The following RCOR2 variants were observed in gnomAD, a reference collection of about 807,000 sequenced individuals.
RCOR2 encodes the protein REST corepressor 2.
A neutral mutation model predicts 58.9 loss-of-function variants in RCOR2; 19 were observed. The observed-to-expected ratio is 0.32, with a 90% CI of 0.23 to 0.47. The LOEUF is 0.47. RCOR2 is among the 20% of genes least tolerant of loss of function. RCOR2 has a pLI of 1.00. For synonymous variants in RCOR2, 286 were observed against 278.7 expected (o/e 1.03, Z -0.26); for missense variants, 590 against 707.9 (o/e 0.83, Z 1.89).
chr11:63,927,296 G>C, the RCOR2 span, among the ~76,000 whole-genome samples: 1 of 148,352 alleles, frequency 6.7e-6, no homozygotes, highest in South Asian at 2.1e-4. Context: ...TTTGAGGCAG[G>C]GTCTCATTGA....
At chr11:63,912,769 A>C (rs772272567) in intron 9 of RCOR2, 36 bp from the exon 10 acceptor site, 29 of 1,612,466 alleles carry the variant, frequency 1.8e-5, no homozygotes, top group Non-Finnish European at 2.4e-5. Flanking sequence ...TTTAGACTCA[A>C]AACCATGCAA....
At chr11:63,926,460 T>C in the RCOR2 span, among the ~76,000 whole-genome samples, 12 of 150,932 alleles carry the variant, frequency 8.0e-5, 1 homozygote, top group East Asian at 2.2e-3. Context: ...AGCTCCTCCT[T>C]TCCTTGCTGT....
At position 63,916,587 on chromosome 11, in the gene RCOR2, A is replaced by G; in HGVS notation, c.-131T>C. 1 of 1,414,306 alleles carries G rather than the reference A, an allele frequency of 7.1e-7. No individual in the cohort carries two copies. 87.6% of individuals were successfully genotyped at this position (1,414,306 alleles called of 1,614,324 possible). On this transcript the variant is annotated 5_prime_UTR_variant, in exon 1 of 12. Coordinates refer to ENST00000301459, the MANE Select transcript of RCOR2 (RefSeq NM_173587.4). ...CTGAGGTTAGGAGAGGCAGGAGGTC[A>G]GCGTGGCTAGGGTCCGGCGGGGTGG...
chr11:63,925,266 C>T, the RCOR2 span, among the ~76,000 whole-genome samples: 1 of 152,190 alleles, frequency 6.6e-6, no homozygotes, highest in Non-Finnish European at 1.5e-5. Context: ...AATCTGGTCC[C>T]CTGACATCCA....
At position 63,914,557 on chromosome 11, in the gene RCOR2, C is replaced by T; in HGVS notation, c.481-16G>A. 1 of 1,613,322 alleles carries T rather than the reference C, an allele frequency of 6.2e-7. No individual in the cohort carries two copies. Among genetic ancestry groups the T allele is most frequent in the Non-Finnish European group, 8.5e-7 (1 of 1,179,904 alleles). Reference sequence around the variant, plus strand: ...TGTCAGGCAGCTGGAGGAGGCAACGCCAGAAGCTGGGGACCACTCAAGACT... The same window carrying T: ...TGTCAGGCAGCTGGAGGAGGCAACGTCAGAAGCTGGGGACCACTCAAGACT... On this transcript the variant is annotated splice_polypyrimidine_tract_variant and intron_variant, in intron 5 of 11. Coordinates refer to ENST00000301459, the MANE Select transcript of RCOR2 (RefSeq NM_173587.4).
intron 1 of RCOR2, among the ~76,000 whole-genome samples, chr11:63,915,824 T>C (rs942676747): frequency 6.6e-6 from 1 of 152,156 alleles, no homozygotes. Flanking sequence ...GCCATGGCCA[T>C]TGGGGCTGGA....
Position 63,911,622 on chromosome 11 carries a change from G to C in RCOR2, c.*243C>G, listed in dbSNP as rs536894862. ...GACACAGCCATTCCAGTACCGGCCAGGAAGCGAAAGTGCCCTCAGGCCAGC... is the reference window on the plus strand; with the variant it reads ...GACACAGCCATTCCAGTACCGGCCACGAAGCGAAAGTGCCCTCAGGCCAGC... On this transcript the variant is annotated 3_prime_UTR_variant, in exon 12 of 12. Transcript: ENST00000301459. 9 of 484,480 alleles carry C rather than the reference G, an allele frequency of 1.9e-5. No individual in the cohort carries two copies. In the East Asian group the frequency reaches 3.8e-4, roughly 20 times the overall value. 30.0% of individuals were successfully genotyped at this position (484,480 alleles called of 1,614,324 possible).
At chr11:63,920,877 A>C (rs377064500), upstream of RCOR2, among the ~76,000 whole-genome samples, 1 of 148,502 alleles carries the variant, frequency 6.7e-6, no homozygotes, top group Non-Finnish European at 1.5e-5. Context: ...CCTAGCCGGC[A>C]CTCCTTCCCC....
chr11:63,917,291 G>C (rs2134249900), upstream of RCOR2, among the ~76,000 whole-genome samples: 1 of 151,974 alleles, frequency 6.6e-6, no homozygotes. Context: ...CCAGGGGGCC[G>C]GGGCCAGACC....
chr11:63,922,378 A>G, the RCOR2 span, among the ~76,000 whole-genome samples: 1 of 151,920 alleles, frequency 6.6e-6, no homozygotes, highest in Non-Finnish European at 1.5e-5. Context: ...TTCTAGACCA[A>G]CTCTTGCTCT....
chr11:63,912,817 C>T (rs149885345), intron 9 of RCOR2, 53 bp downstream of exon 9: 1 of 1,606,646 alleles, frequency 6.2e-7, no homozygotes, highest in African/African-American at 1.3e-5. Flanking sequence ...TCTTTCTGCT[C>T]TGCCTCCAGA....
intron 8 of RCOR2, 134 bp from the exon 9 acceptor site, chr11:63,913,081 C>T: frequency 1.4e-6 from 1 of 702,342 alleles, no homozygotes; most frequent in South Asian, 1.9e-5. Context: ...CACCATCTGG[C>T]TTGTTCCTCC....
chr11:63,927,390 C>T, the RCOR2 span, among the ~76,000 whole-genome samples: 1 of 152,262 alleles, frequency 6.6e-6, no homozygotes, highest in South Asian at 2.1e-4. Flanking sequence ...TCACCTCAGC[C>T]TCCTGGGTAG....
upstream of RCOR2, among the ~76,000 whole-genome samples, chr11:63,920,581 G>C (rs532652142): frequency 6.6e-6 from 1 of 152,208 alleles, no homozygotes; most frequent in South Asian, 2.1e-4. Context: ...GGGTTGGGGA[G>C]GGAGTGTGGT....
chr11:63,918,371 C>T (rs1463507755), upstream of RCOR2, among the ~76,000 whole-genome samples: 13 of 152,300 alleles, frequency 8.5e-5, no homozygotes, highest in Non-Finnish European at 1.9e-4. Context: ...CCGCTTGTTC[C>T]CGGGGACTCC....
At position 63,911,324 on chromosome 11, in the gene RCOR2, G is replaced by T. The variant is rs1941745684; in HGVS notation, c.*541C>A. ...CCCCATTTCTCCAAGTTTCTGGAAG[G>T]TGGGCTTGGTGGGCACCCTCAGCTC... is the stretch of plus-strand genomic sequence containing the variant. On this transcript the variant is annotated 3_prime_UTR_variant, in exon 12 of 12. Transcript: ENST00000301459. 6.6e-6 allele frequency: 1 copy of T among 152,314 alleles called. No homozygotes were observed. Among genetic ancestry groups the T allele is most frequent in the African/African-American group, 2.4e-5 (1 of 41,404 alleles). The allele number at this position is 152,314 out of a possible 1,614,324, so 9.4% of individuals were successfully genotyped here.
chr11:63,920,598 C>G (rs552480922), upstream of RCOR2, among the ~76,000 whole-genome samples: 2 of 152,016 alleles, frequency 1.3e-5, no homozygotes, highest in African/African-American at 2.4e-5. Context: ...TGGTGGGATC[C>G]GAGCCAAAAC....
chr11:63,915,094 A>C (rs753307273), intron 3 of RCOR2, 84 bp downstream of exon 3: 1 of 1,510,982 alleles, frequency 6.6e-7, no homozygotes, highest in Non-Finnish European at 9.1e-7. Context: ...CGAACACCTC[A>C]GCTTCCAGCC....
intron 8 of RCOR2, 70 bp downstream of exon 8, chr11:63,913,884 C>T: frequency 7.1e-7 from 1 of 1,399,938 alleles, no homozygotes; most frequent in South Asian, 1.2e-5. Flanking sequence ...CACCTCAGCT[C>T]CCCCTAGACT....
Sources: gnomAD v4.1 joint callset for allele counts (sites outside exome capture counted in the v4.1 genomes callset) on GRCh38, gnomAD v4.1.1 for gene constraint, MANE v1.5 for transcripts, NCBI Gene and HGNC (gene_info 2026-07-23, HGNC 2026-07-21) for gene names.